PINX1: variants seen among roughly 807,000 people sequenced by gnomAD.
PINX1 encodes the protein PIN2/TERF1-interacting telomerase inhibitor 1.
In PINX1, 34 loss-of-function variants were observed where a neutral mutation model predicts 25.4. That is an observed-to-expected ratio of 1.34 (90% CI 1.02 to 1.78). PINX1 has a LOEUF of 1.78. Among genes scored for constraint, PINX1 ranks in the 40% most tolerant of loss-of-function variants. The pLI, the probability that PINX1 is intolerant of heterozygous loss-of-function variation, is 0.00. For missense variants in PINX1, 592 were observed against 404.9 expected (o/e 1.46, Z -3.97); for synonymous variants, 197 against 147.7 (o/e 1.33, Z -2.42).
Position 10,807,402 on chromosome 8 carries a change from G to C in PINX1, c.471+12791C>G, listed in dbSNP as rs1345865128. ...AAGAAAAATCTGAGGAGGAATTCAA[G>C]ATGTCAGTGCTTCAACTACTGGCTT... On this transcript the variant is annotated intron_variant, in intron 6 of 6. Coordinates refer to ENST00000314787, the MANE Select transcript of PINX1 (RefSeq NM_017884.6). Among the ~76,000 whole-genome samples, 5 of 126,240 alleles carry C rather than the reference G, an allele frequency of 4.0e-5. No homozygotes were observed. The East Asian group carries it at 1.2e-3, about 30-fold the overall frequency. The allele number at this position is 126,240 out of a possible 152,430, so 82.8% of individuals were successfully genotyped here.
intron 6 of PINX1, among the ~76,000 whole-genome samples, chr8:10,805,580 G>A (rs1011665821): frequency 6.9e-6 from 1 of 145,752 alleles, no homozygotes; most frequent in Admixed American, 6.9e-5. Flanking sequence ...TGCTGAGGGG[G>A]TGACAGAGCA....
At chr8:10,788,202 C>A (rs1032077762) in intron 6 of PINX1, among the ~76,000 whole-genome samples, 1 of 152,144 alleles carries the variant, frequency 6.6e-6, no homozygotes, top group South Asian at 2.1e-4. Context: ...TGGGCACAGA[C>A]AGACTCCTTT....
At chr8:10,837,050 C>A (rs534820401) in intron 1 of PINX1, among the ~76,000 whole-genome samples, 89 of 152,352 alleles carry the variant, frequency 5.8e-4, no homozygotes, top group African/African-American at 2.1e-3. Flanking sequence ...GACTGCTATC[C>A]TTTGAAAGGC....
chr8:10,782,517 T>C (rs1323106879), intron 6 of PINX1, among the ~76,000 whole-genome samples: 1 of 151,774 alleles, frequency 6.6e-6, no homozygotes, highest in Non-Finnish European at 1.5e-5. Context: ...AGGCGGATCA[T>C]CTGAGGTCGG....
intron 6 of PINX1, among the ~76,000 whole-genome samples, chr8:10,766,466 C>T (rs1801050655): frequency 6.6e-6 from 1 of 152,208 alleles, no homozygotes; most frequent in Non-Finnish European, 1.5e-5. Flanking sequence ...GCCAGGGGCA[C>T]CCTTTCTCCC....
At chr8:10,785,176 T>C (rs1180382609) in intron 6 of PINX1, among the ~76,000 whole-genome samples, 2 of 152,356 alleles carry the variant, frequency 1.3e-5, no homozygotes, top group African/African-American at 4.8e-5. Context: ...AATGGAATTA[T>C]ATAAGATTAC....
intron 1 of PINX1, among the ~76,000 whole-genome samples, chr8:10,839,026 C>T (rs970911776): frequency 1.3e-5 from 2 of 152,164 alleles, no homozygotes; most frequent in African/African-American, 4.8e-5. Context: ...CAAGCAGGAC[C>T]CGCTTTTCAG....
chr8:10,791,361 C>A (rs1801916874), intron 6 of PINX1, among the ~76,000 whole-genome samples: 1 of 152,226 alleles, frequency 6.6e-6, no homozygotes, highest in Non-Finnish European at 1.5e-5. Context: ...TCGGTGGAAG[C>A]ACACATCGCA....
chr8:10,778,374 G>C (rs536881615), intron 6 of PINX1, among the ~76,000 whole-genome samples: 3 of 152,196 alleles, frequency 2.0e-5, no homozygotes, highest in African/African-American at 7.2e-5. Context: ...GCAAATTGTT[G>C]TCGATGAAAC....
intron 6 of PINX1, among the ~76,000 whole-genome samples, chr8:10,786,202 G>A (rs541109352): frequency 3.9e-4 from 59 of 152,220 alleles, no homozygotes; most frequent in East Asian, 3.9e-4. Flanking sequence ...TTAAAGAGAC[G>A]TTACATTTTA....
At chr8:10,799,652 C>G (rs1278600646) in intron 6 of PINX1, among the ~76,000 whole-genome samples, 1 of 152,214 alleles carries the variant, frequency 6.6e-6, no homozygotes, top group Non-Finnish European at 1.5e-5. Flanking sequence ...CAGTCTAATC[C>G]CACTTACTGT....
At chr8:10,834,966 G>C (rs1798356018) in intron 1 of PINX1, among the ~76,000 whole-genome samples, 191 bp from the exon 2 acceptor site, 1 of 152,174 alleles carries the variant, frequency 6.6e-6, no homozygotes, top group African/African-American at 2.4e-5. Context: ...CCTAATAAAT[G>C]TATATTCTAG....
intron 3 of PINX1, among the ~76,000 whole-genome samples, chr8:10,832,604 T>C (rs1798255172): frequency 6.6e-6 from 1 of 152,224 alleles, no homozygotes; most frequent in African/African-American, 2.4e-5. Flanking sequence ...CTAAAGTAAT[T>C]TCCCAGATTC....
At chr8:10,789,348 G>A (rs1222355731) in intron 6 of PINX1, among the ~76,000 whole-genome samples, 1 of 152,212 alleles carries the variant, frequency 6.6e-6, no homozygotes, top group Non-Finnish European at 1.5e-5. Flanking sequence ...GTGATGTTTT[G>A]ACCTACATAT....
intron 6 of PINX1, among the ~76,000 whole-genome samples, chr8:10,812,225 C>A (rs1335484316): frequency 6.6e-6 from 1 of 152,124 alleles, no homozygotes. Flanking sequence ...CTGAATAAAG[C>A]GCATAAGTAG....
intron 6 of PINX1, among the ~76,000 whole-genome samples, chr8:10,792,177 G>A (rs1033998996): frequency 3.6e-4 from 54 of 152,074 alleles, no homozygotes; most frequent in African/African-American, 1.3e-3. Flanking sequence ...AGATGCGCTG[G>A]CCTCGCTCTC....
intron 6 of PINX1, among the ~76,000 whole-genome samples, chr8:10,768,675 T>C (rs1801133273): frequency 6.6e-6 from 1 of 152,158 alleles, no homozygotes; most frequent in South Asian, 2.1e-4. Flanking sequence ...GAAACGTGCC[T>C]ATTTTACAAG....
chr8:10,823,158 A>C (rs1315246851), intron 5 of PINX1, among the ~76,000 whole-genome samples: 3 of 152,218 alleles, frequency 2.0e-5, no homozygotes, highest in African/African-American at 7.2e-5. Context: ...CCTCACTACC[A>C]GTGTGCAACT....
At chr8:10,783,732 G>A (rs1801663447) in intron 6 of PINX1, among the ~76,000 whole-genome samples, 1 of 152,200 alleles carries the variant, frequency 6.6e-6, no homozygotes, top group Admixed American at 6.5e-5. Context: ...AGTTAAGTAG[G>A]AAAAGGAATT....
Sources: gnomAD v4.1 joint callset for allele counts (sites outside exome capture counted in the v4.1 genomes callset) on GRCh38, gnomAD v4.1.1 for gene constraint, MANE v1.5 for transcripts, NCBI Gene and HGNC (gene_info 2026-07-23, HGNC 2026-07-21) for gene names.